The following SLC9B2 variants were observed in gnomAD, a reference collection of about 807,000 sequenced individuals.
SLC9B2 encodes sodium/hydrogen exchanger 9B2.
In SLC9B2, 39 loss-of-function variants were observed where a neutral mutation model predicts 52.2. That is an observed-to-expected ratio of 0.75 (90% CI 0.58 to 0.98). SLC9B2 has a LOEUF of 0.98. SLC9B2 is among the 50% of genes least tolerant of loss of function. SLC9B2 has a pLI of 0.00. For missense variants in SLC9B2, 626 were observed against 637.5 expected (o/e 0.98, Z 0.19); for synonymous variants, 214 against 227.0 (o/e 0.94, Z 0.51).
chr4:103,074,473 T>C (rs561750025), intron 1 of SLC9B2, among the ~76,000 whole-genome samples: 1 of 152,348 alleles, frequency 6.6e-6, no homozygotes, highest in Admixed American at 6.5e-5. Context: ...CTTTAGTTTC[T>C]ATCTTTCTAG....
intron 3 of SLC9B2, among the ~76,000 whole-genome samples, chr4:103,064,364 G>C (rs544597012): frequency 3.6e-4 from 55 of 152,302 alleles, no homozygotes; most frequent in African/African-American, 1.3e-3. Flanking sequence ...TGAACCTGGA[G>C]GACATTATGC....
At chr4:103,018,522 T>C (rs1204188726), downstream of SLC9B2, among the ~76,000 whole-genome samples, 1 of 152,206 alleles carries the variant, frequency 6.6e-6, no homozygotes, top group Non-Finnish European at 1.5e-5. Context: ...GTGTCATTTT[T>C]CATGCTTCTG....
rs146959179 is a variant in SLC9B2 at position 103,030,688 on chromosome 4, T to G, written c.1255+1012A>C. Among the ~76,000 whole-genome samples, 47 of 152,206 alleles carry G rather than the reference T, an allele frequency of 3.1e-4. No homozygotes were observed. The East Asian group carries it at 9.1e-3, about 29-fold the overall frequency. On this transcript the variant is annotated intron_variant, in intron 10 of 11. Coordinates refer to ENST00000394785, the MANE Select transcript of SLC9B2 (RefSeq NM_178833.7). ...TTTAACATATTATTTTAATATACATTATTTTAATTGTAGTAAAATACACAT... is the reference window on the plus strand; with the variant it reads ...TTTAACATATTATTTTAATATACATGATTTTAATTGTAGTAAAATACACAT...
At chr4:103,019,704 GC>G (rs2110554399), downstream of SLC9B2, 2 of 985,526 alleles carry the variant, frequency 2.0e-6, no homozygotes, top group South Asian at 9.4e-5. Context: ...TGACGCGAAA[GC>G]CCGGATAGAC....
chr4:103,063,033 A>G lies in SLC9B2; in HGVS notation c.271+3294T>C, dbSNP rs190707628. On this transcript the variant is annotated intron_variant, in intron 3 of 11. Transcript: ENST00000394785. ...ATAAGCGATGAGATGTTTATCTACC[A>G]TGAACCTCATTTTTCAGGCTGCTTT... Among the ~76,000 whole-genome samples the G allele has an allele frequency of 1.1e-4, 17 of 152,382 alleles. No individual in the cohort carries two copies. The East Asian group carries it at 2.7e-3, about 24-fold the overall frequency.
intron 10 of SLC9B2, among the ~76,000 whole-genome samples, chr4:103,030,079 A>G (rs1560540889): frequency 6.6e-6 from 1 of 152,148 alleles, no homozygotes; most frequent in Non-Finnish European, 1.5e-5. Flanking sequence ...TCCCAGAAGG[A>G]AACATTGAAA....
chr4:103,036,787 T>C (rs545463031), intron 9 of SLC9B2, among the ~76,000 whole-genome samples: 32 of 152,136 alleles, frequency 2.1e-4, no homozygotes, highest in South Asian at 4.1e-4. Flanking sequence ...TGGAGGGCAA[T>C]TGAGCAGTAC....
chr4:103,032,950 C>T (rs907012356), intron 9 of SLC9B2, among the ~76,000 whole-genome samples: 1 of 152,134 alleles, frequency 6.6e-6, no homozygotes, highest in Admixed American at 6.5e-5. Flanking sequence ...AGGTGCTATT[C>T]TCATATTCTT....
chr4:103,059,915 G>A (rs1745477188), intron 3 of SLC9B2, among the ~76,000 whole-genome samples: 1 of 151,968 alleles, frequency 6.6e-6, no homozygotes, highest in Admixed American at 6.6e-5. Context: ...GTATACCTCA[G>A]TTTTATGTTA....
chr4:103,064,169 G>C (rs1276856033), intron 3 of SLC9B2, among the ~76,000 whole-genome samples: 1 of 152,106 alleles, frequency 6.6e-6, no homozygotes, highest in Admixed American at 6.5e-5. Context: ...AAATGAAATC[G>C]GTATGTTGAA....
rs768916020 is a variant in SLC9B2 at position 103,026,326 on chromosome 4, A to G, written c.*44T>C. 18 of 1,490,510 alleles carry G rather than the reference A, an allele frequency of 1.2e-5. No individual in the cohort carries two copies. In the South Asian group the frequency reaches 2.2e-4, roughly 19 times the overall value. The allele number at this position is 1,490,510 out of a possible 1,614,324, so 92.3% of individuals were successfully genotyped here. A position where few individuals can be genotyped will look rare whatever the true frequency, so the allele number is the denominator to read the frequency against. On this transcript the variant is annotated 3_prime_UTR_variant, in exon 12 of 12. Transcript: ENST00000394785. ...TTTCAATATGCATCTTGAAAAAAGT[A>G]GCAGCTTTCTAAACATTATGTTCAG...
chr4:103,026,278 AT>A lies in SLC9B2; in HGVS notation c.*91del. ...ACAGCTACACTTTTGGTTCTATTAC[AT>A]TTTAAGCTTAAACATTACATATTTC... On this transcript the variant is annotated 3_prime_UTR_variant, in exon 12 of 12. Transcript: ENST00000394785. 8.2e-7 allele frequency: 1 copy of A among 1,220,088 alleles called. No individual in the cohort carries two copies. Among genetic ancestry groups the A allele is most frequent in the South Asian group, 1.6e-5 (1 of 63,398 alleles). The allele number at this position is 1,220,088 out of a possible 1,614,324, so 75.6% of individuals were successfully genotyped here. A position where few individuals can be genotyped will look rare whatever the true frequency, so the allele number is the denominator to read the frequency against.
At chr4:103,045,946 T>G (rs1419636685) in intron 7 of SLC9B2, among the ~76,000 whole-genome samples, 1 of 152,188 alleles carries the variant, frequency 6.6e-6, no homozygotes. Context: ...TGGGTATGTG[T>G]AGTAGCATTA....
In SLC9B2 at chr4:103,038,469, T is replaced by G. The variant is rs536721474; in HGVS notation, c.1146+4827A>C. ...CATAGAAAAGTCACAATGTATCTTC[T>G]TGTGGGTTTTTCATAATGTCAAAAC... On this transcript the variant is annotated intron_variant, in intron 9 of 11. Transcript: ENST00000394785. Among the ~76,000 whole-genome samples the G allele has an allele frequency of 8.5e-5, 13 of 152,326 alleles. No homozygotes were observed. The East Asian group carries it at 2.5e-3, about 29-fold the overall frequency.
chr4:103,043,197 G>T, intron 9 of SLC9B2, 99 bp downstream of exon 9: 1 of 1,271,468 alleles, frequency 7.9e-7, no homozygotes, highest in Non-Finnish European at 1.1e-6. Context: ...CTTTTATAAT[G>T]AAATACTTTA....
chr4:103,040,898 C>A (rs1310490520), intron 9 of SLC9B2, among the ~76,000 whole-genome samples: 1 of 152,164 alleles, frequency 6.6e-6, no homozygotes, highest in African/African-American at 2.4e-5. Flanking sequence ...AGCCCCACCA[C>A]AGTCTAAAAT....
chr4:103,048,953 G>A lies in SLC9B2; in HGVS notation c.653C>T (p.Thr218Ile), dbSNP rs150941362. Reference sequence around the variant, plus strand: ...CAGGTAATGGGCAAGAAGAGCAGATGTGCACGCCTCCACAATACAGGGACC... The same window carrying A: ...CAGGTAATGGGCAAGAAGAGCAGATATGCACGCCTCCACAATACAGGGACC... ...SMGPCIVEAC[T>I]SALLAHYLLG... The change falls in exon 6 of 12, where the codon ACA (threonine) becomes ATA (isoleucine). Residue 218 changes from threonine (T) to isoleucine (I), a missense_variant. Physicochemically the swap from Thr to Ile is moderately conservative, Grantham distance 89 (BLOSUM62 -1). Coordinates refer to ENST00000394785, the MANE Select transcript of SLC9B2 (RefSeq NM_178833.7). 27 of 1,613,838 alleles carry A rather than the reference G, an allele frequency of 1.7e-5. No homozygotes were observed. In the African/African-American group the frequency reaches 3.2e-4, roughly 19 times the overall value.
At chr4:103,052,359 G>A (rs775417657) in intron 4 of SLC9B2, among the ~76,000 whole-genome samples, 5 of 152,210 alleles carry the variant, frequency 3.3e-5, no homozygotes, top group Admixed American at 2.0e-4. Flanking sequence ...GCCACGGCCC[G>A]GGGCTTGGGC....
At chr4:103,057,246 A>ATATATATATATG (rs1181507086) in intron 4 of SLC9B2, among the ~76,000 whole-genome samples, 1 of 31,508 alleles carries the variant, frequency 3.2e-5, no homozygotes, top group African/African-American at 4.8e-4. Context: ...AATTTTAAGT[A>ATATATATATATG]TATATATATA....
Sources: allele counts gnomAD v4.1 joint callset (sites outside exome capture counted in the v4.1 genomes callset), GRCh38; gene constraint gnomAD v4.1.1; transcripts MANE v1.5; gene names NCBI Gene and HGNC (gene_info 2026-07-23, HGNC 2026-07-21).